Variants in TASOR2 observed in about 807,000 individuals in gnomAD.
TASOR2 encodes protein TASOR 2.
Under a neutral mutation model 199.5 loss-of-function variants are expected in TASOR2, and 84 were observed. The ratio of observed to expected loss-of-function variants is 0.42; its 90% CI spans 0.35 to 0.50. TASOR2 has a LOEUF of 0.50. Ranked by LOEUF, TASOR2 falls within the 20% of genes least tolerant of loss-of-function variation. The probability of loss-of-function intolerance (pLI) is 0.02; values close to 1 mark genes in which losing one functional copy is unlikely to be tolerated. For missense variants in TASOR2, 2,796 were observed against 2,835.9 expected (o/e 0.99, Z 0.32); for synonymous variants, 1,103 against 1,046.6 (o/e 1.05, Z -1.04).
intron 14 of TASOR2, among the ~76,000 whole-genome samples, chr10:5,744,440 T>A (rs1836884471): frequency 6.6e-6 from 1 of 152,088 alleles, no homozygotes; most frequent in Non-Finnish European, 1.5e-5. Flanking sequence ...GTAGCTGGGA[T>A]TATAGGCGCC....
chr10:5,746,133 AT>A, intron 14 of TASOR2, 45 bp from the exon 16 acceptor site: 7 of 1,484,538 alleles, frequency 4.7e-6, no homozygotes, highest in Non-Finnish European at 6.3e-6. Flanking sequence ...TATAAAAAAC[AT>A]TTTATATGAC....
At chr10:5,761,710 G>A in intron 19 of TASOR2, 1 of 453,936 alleles carries the variant, frequency 2.2e-6, no homozygotes, top group Non-Finnish European at 3.9e-6. Context: ...ACTCAATACA[G>A]TATAAGTAGT....
chr10:5,692,655 A>C (rs2131495096), intron 1 of TASOR2, among the ~76,000 whole-genome samples: 1 of 152,094 alleles, frequency 6.6e-6, no homozygotes, highest in African/African-American at 2.4e-5. Context: ...TGTTGGCTGT[A>C]CGGGCTCAGT....
intron 1 of TASOR2, among the ~76,000 whole-genome samples, chr10:5,697,973 G>A (rs571861714): frequency 6.6e-6 from 1 of 152,150 alleles, no homozygotes; most frequent in South Asian, 2.1e-4. Context: ...GTGTACAGTT[G>A]ACTGGCTTTT....
rs369359409 is a variant in TASOR2, at chr10:5,742,079, C to G, written c.2328-18C>G. On this transcript the variant is annotated intron_variant, in intron 13 of 20. Coordinates refer to ENST00000328090, the Ensembl canonical transcript of TASOR2. This position sits in a 1 kb window ranked among gnomAD's most constrained non-coding sequence, Gnocchi z 4.2. ...CCATTTTCAATGATTTTCATGTGTT[C>G]TTTCTGTAAACTCTTAGGCCCTGGA... is the stretch of plus-strand genomic sequence containing the variant. 2.5e-4 allele frequency: 396 copies of G among 1,601,246 alleles called. No individual in the cohort carries two copies. Among genetic ancestry groups the G allele is most frequent in the Non-Finnish European group, 3.2e-4 (374 of 1,177,046 alleles).
intron 8 of TASOR2, among the ~76,000 whole-genome samples, chr10:5,725,254 G>A (rs1199881254): frequency 2.0e-5 from 3 of 152,000 alleles, no homozygotes; most frequent in Admixed American, 2.0e-4. Context: ...ATCTGGGTGT[G>A]GTGATGGGCG....
chr10:5,744,288 CTG>C (rs1836847389), intron 14 of TASOR2, among the ~76,000 whole-genome samples: 1 of 94,814 alleles, frequency 1.1e-5, no homozygotes, highest in Admixed American at 1.1e-4. Flanking sequence ...ACTGTTGACT[CTG>C]TTTTTTTGTT....
In TASOR2 at chr10:5,723,785, GA is replaced by G; in HGVS notation, c.247+11del. On this transcript the variant is annotated intron_variant, in intron 7 of 20. Transcript: ENST00000328090. ...ATTACTTGGAGGAGAAAGGTCTGTT[GA>G]AATGTAATAACACGCTACTTGTCCT... 6.3e-7 allele frequency: 1 copy of G among 1,579,332 alleles called. No homozygotes were observed. Among genetic ancestry groups the G allele is most frequent in the Non-Finnish European group, 8.7e-7 (1 of 1,155,770 alleles).
rs775309658 is a variant in TASOR2, at chr10:5,749,066, G to T, written c.5645G>T (p.Cys1882Phe). ...AACAACAACCAAGAGGACTGGGGCTGCTCTAGCTGGGTTCCAGGCATGGAG... is the reference window on the plus strand; with the variant it reads ...AACAACAACCAAGAGGACTGGGGCTTCTCTAGCTGGGTTCCAGGCATGGAG... The change falls in exon 15 of 21, where the codon TGC becomes TTC. Residue 1882 changes from cysteine (C) to phenylalanine (F), a missense_variant. By Grantham distance (205) the Cys-to-Phe change is radical. Transcript: ENST00000328090. 11 of 1,614,182 alleles carry T rather than the reference G, an allele frequency of 6.8e-6. No homozygotes were observed. Among genetic ancestry groups the T allele is most frequent in the Non-Finnish European group, 8.5e-6 (10 of 1,180,036 alleles).
exon 15 of TASOR2, chr10:5,749,145 T>C (rs370643235): frequency 6.2e-7 from 1 of 1,613,676 alleles, no homozygotes; most frequent in Non-Finnish European, 8.5e-7. Context: ...AAGAGAAGTG[T>C]GTGCCGCCTT....
exon 19 of TASOR2, chr10:5,761,309 A>G (rs1341113316): frequency 4.3e-6 from 7 of 1,613,406 alleles, no homozygotes. Context: ...AACTGCACAT[A>G]AGAAGAACAT....
intron 2 of TASOR2, among the ~76,000 whole-genome samples, chr10:5,715,985 A>G (rs1832583374): frequency 6.6e-6 from 1 of 152,118 alleles, no homozygotes; most frequent in Admixed American, 6.5e-5. Flanking sequence ...ACTTAGAGAC[A>G]CCTAGAGGGC....
intron 1 of TASOR2, among the ~76,000 whole-genome samples, chr10:5,711,105 A>G (rs1831851500): frequency 6.6e-6 from 1 of 152,142 alleles, no homozygotes; most frequent in African/African-American, 2.4e-5. Context: ...TATATAAATC[A>G]TGTATATCAA....
At chr10:5,721,012 C>G (rs571606229) in intron 6 of TASOR2, 42 bp downstream of exon 7, 2 of 1,512,028 alleles carry the variant, frequency 1.3e-6, no homozygotes, top group South Asian at 2.4e-5. Flanking sequence ...GCTTATATTA[C>G]AAGTTTTGGG....
intron 17 of TASOR2, among the ~76,000 whole-genome samples, chr10:5,758,221 A>AC (rs913214578): frequency 6.6e-6 from 1 of 152,182 alleles, no homozygotes; most frequent in Non-Finnish European, 1.5e-5. Flanking sequence ...AGCAGCATGT[A>AC]CCTTAACCAG....
rs1443922611 is a variant in TASOR2, at chr10:5,730,577, A to G, written c.578A>G (p.Lys193Arg). The stretch of plus-strand genomic sequence containing the variant: ...AATTGTGCCCTGCTAGAAACAAAGA[A>G]ATCACTTCCTGAAGAAAGAATCCAT... The change falls in exon 11 of 21, where the codon AAA becomes AGA. Residue 193 changes from lysine to arginine, a missense_variant. Transcript: ENST00000328090. This position sits in a 1 kb window ranked among gnomAD's most constrained non-coding sequence, Gnocchi z 4.1. The G allele has an allele frequency of 1.2e-6, 2 of 1,614,128 alleles. No homozygotes were observed. Among genetic ancestry groups the G allele is most frequent in the Non-Finnish European group, 1.7e-6 (2 of 1,180,052 alleles).
rs1486492848 is a variant in TASOR2, at chr10:5,726,970, G to A, written c.424+13G>A. 6.2e-7 allele frequency: 1 copy of A among 1,613,594 alleles called. No homozygotes were observed. The highest frequency in any genetic ancestry group is 8.5e-7 in the Non-Finnish European group (1 of 1,179,812). On this transcript the variant is annotated intron_variant, in intron 9 of 20. Transcript: ENST00000328090. ...CTATCAGAACCAGGTATGGAGAACTGTTTTGGGAAAAAATATTTTTCATTA... is the reference window on the plus strand; with the variant it reads ...CTATCAGAACCAGGTATGGAGAACTATTTTGGGAAAAAATATTTTTCATTA...
chr10:5,713,536 G>A (rs1832197680), intron 2 of TASOR2, among the ~76,000 whole-genome samples: 1 of 152,020 alleles, frequency 6.6e-6, no homozygotes, highest in Non-Finnish European at 1.5e-5. Flanking sequence ...TATAAAGAAG[G>A]GGGGCAGATT....
Position 5,748,960 on chromosome 10 carries a change from G to T in TASOR2, c.5539G>T (p.Asp1847Tyr), listed in dbSNP as rs1435982919. 1 of 1,613,966 alleles carries T rather than the reference G, an allele frequency of 6.2e-7. No individual in the cohort carries two copies. The highest frequency in any genetic ancestry group is 8.5e-7 in the Non-Finnish European group (1 of 1,180,030). ...TAGAAATCCCAGACTGGATTTGGAG[G>T]ATTCTTATACTTTAAGAGGTAGTTA... The change falls in exon 15 of 21, where the codon GAT (aspartate) becomes TAT (tyrosine). Residue 1847 changes from aspartate to tyrosine, a missense_variant. Physicochemically the swap from Asp to Tyr is radical, Grantham distance 160. Coordinates refer to ENST00000328090, the Ensembl canonical transcript of TASOR2. This position sits in a 1 kb window ranked among gnomAD's most constrained non-coding sequence, Gnocchi z 5.1.
Sources: allele counts gnomAD v4.1 joint callset (sites outside exome capture counted in the v4.1 genomes callset), GRCh38; gene constraint gnomAD v4.1.1; non-coding constraint Gnocchi (gnomAD v3.1); transcripts MANE v1.5; gene names NCBI Gene and HGNC (gene_info 2026-07-23, HGNC 2026-07-21).